The following COG3 variants were observed in gnomAD, a reference collection of about 807,000 sequenced individuals.
COG3 encodes the protein conserved oligomeric Golgi complex subunit 3.
In COG3, 32 loss-of-function variants were observed where a neutral mutation model predicts 114.1. The ratio of observed to expected loss-of-function variants is 0.28; its 90% CI spans 0.21 to 0.38. COG3 has a LOEUF of 0.38. Ranked by LOEUF, COG3 falls within the 10% of genes least tolerant of loss-of-function variation. The pLI, the probability that COG3 is intolerant of heterozygous loss-of-function variation, is 1.00. For missense variants in COG3, 813 were observed against 973.2 expected, an observed-to-expected ratio of 0.84 and a Z score of 2.19; for synonymous variants, 352 against 365.7, an observed-to-expected ratio of 0.96 and a Z score of 0.43.
intron 19 of COG3, among the ~76,000 whole-genome samples, chr13:45,520,582 T>TA (rs1354122676): frequency 6.6e-6 from 1 of 152,182 alleles, no homozygotes; most frequent in African/African-American, 2.4e-5. Context: ...ATACGAGTTT[T>TA]AAAAAATAAT....
chr13:45,511,266 G>T (rs574864504), intron 15 of COG3, among the ~76,000 whole-genome samples: 1 of 151,548 alleles, frequency 6.6e-6, no homozygotes, highest in East Asian at 1.9e-4. Flanking sequence ...TTATTTGTCA[G>T]TCCCCTGTCT....
At position 45,536,519 on chromosome 13, in the gene COG3, A is replaced by ATAT. The variant is rs1427218531; in HGVS notation, c.*1788_*1789insTAT. 2 of 152,244 alleles carry ATAT rather than the reference A, an allele frequency of 1.3e-5. No homozygotes were observed. Among genetic ancestry groups the ATAT allele is most frequent in the Non-Finnish European group, 2.9e-5 (2 of 68,044 alleles). 9.4% of individuals were successfully genotyped at this position (152,244 alleles called of 1,614,324 possible). ...CAGTTTTAAGTGTTCACTTATACAA[A>ATAT]GAGTGTATATACTTTCAAATAATTT... On this transcript the variant is annotated 3_prime_UTR_variant, in exon 23 of 23. Transcript: ENST00000349995.
At position 45,530,907 on chromosome 13, in the gene COG3, A is replaced by G. The variant is rs968525457; in HGVS notation, c.2457+127A>G. On this transcript the variant is annotated intron_variant, in intron 22 of 22. Transcript: ENST00000349995. ...AAAAATATTACCTTCTTTTATTCTG[A>G]TGAGTAAGAATTCAGCCTTTGAATT... The G allele has an allele frequency of 6.8e-6, 9 of 1,328,206 alleles. No homozygotes were observed. In the African/African-American group the frequency reaches 1.3e-4, roughly 20 times the overall value. The allele number at this position is 1,328,206 out of a possible 1,614,324, so 82.3% of individuals were successfully genotyped here.
chr13:45,528,859 A>G (rs1170829831), intron 20 of COG3, among the ~76,000 whole-genome samples: 1 of 152,220 alleles, frequency 6.6e-6, no homozygotes, highest in African/African-American at 2.4e-5. Flanking sequence ...ACATGTCTGT[A>G]TACTCATATC....
chr13:45,490,884 GT>G, intron 8 of COG3, 30 bp from the exon 9 acceptor site: 1 of 1,435,202 alleles, frequency 7.0e-7, no homozygotes, highest in Non-Finnish European at 9.7e-7. Flanking sequence ...AACAGAGATG[GT>G]TTTTTGATGC....
intron 14 of COG3, among the ~76,000 whole-genome samples, chr13:45,508,067 C>CAAAAAA (rs1870379302): frequency 5.2e-5 from 1 of 19,332 alleles, no homozygotes; most frequent in Non-Finnish European, 8.4e-5. Flanking sequence ...TAGGTCCAAC[C>CAAAAAA]TAAAAAAAAA....
chr13:45,507,687 C>T (rs2137873069), intron 14 of COG3, among the ~76,000 whole-genome samples: 1 of 151,562 alleles, frequency 6.6e-6, no homozygotes, highest in East Asian at 1.9e-4. Flanking sequence ...ATTGCTTGAC[C>T]CCAATAGGCG....
intron 1 of COG3, among the ~76,000 whole-genome samples, chr13:45,469,090 A>G (rs998945680): frequency 1.3e-5 from 2 of 152,238 alleles, no homozygotes; most frequent in African/African-American, 2.4e-5. Flanking sequence ...GTTTGAGAGA[A>G]GATGGTTTTG....
rs1427855327 is a variant in COG3, at chr13:45,464,956, G to T, written c.-81G>T. ...CCGCCGGTGCAGTGTTGGAAGCTCCGGTTCTCCCGGAAGTGGCCCAGGTCT... is the reference window on the plus strand; with the variant it reads ...CCGCCGGTGCAGTGTTGGAAGCTCCTGTTCTCCCGGAAGTGGCCCAGGTCT... On this transcript the variant is annotated 5_prime_UTR_variant, in exon 1 of 23. Transcript: ENST00000349995. 6.8e-7 allele frequency: 1 copy of T among 1,479,300 alleles called. No homozygotes were observed. Among genetic ancestry groups the T allele is most frequent in the Non-Finnish European group, 8.9e-7 (1 of 1,120,840 alleles). 91.6% of individuals were successfully genotyped at this position (1,479,300 alleles called of 1,614,324 possible). A position where few individuals can be genotyped will look rare whatever the true frequency, so the allele number is the denominator to read the frequency against.
intron 2 of COG3, among the ~76,000 whole-genome samples, chr13:45,476,710 T>C (rs1211385759): frequency 1.4e-5 from 1 of 71,096 alleles, no homozygotes; most frequent in Non-Finnish European, 4.2e-5. Context: ...TAGTCCTTTT[T>C]TAAAAAACCC....
intron 22 of COG3, among the ~76,000 whole-genome samples, chr13:45,534,076 A>G (rs1873389633): frequency 6.6e-6 from 1 of 152,220 alleles, no homozygotes; most frequent in South Asian, 2.1e-4. Flanking sequence ...CTGGTGTCCC[A>G]GTCCTCCGTT....
chr13:45,535,011 A>T lies in COG3; in HGVS notation c.*280A>T. The stretch of plus-strand genomic sequence containing the variant: ...ATGTGAAGAGAGAGCTAGGGCAGAC[A>T]TGCAGTGAAATGGTTCTTTGTTAAA... On this transcript the variant is annotated 3_prime_UTR_variant, in exon 23 of 23. Transcript: ENST00000349995. 8.4e-7 allele frequency: 1 copy of T among 1,187,470 alleles called. No homozygotes were observed. The highest frequency in any genetic ancestry group is 1.0e-6 in the Non-Finnish European group (1 of 960,998). The allele number at this position is 1,187,470 out of a possible 1,614,324, so 73.6% of individuals were successfully genotyped here. A position where few individuals can be genotyped will look rare whatever the true frequency, so the allele number is the denominator to read the frequency against.
At chr13:45,495,592 C>T (rs1373872045) in intron 12 of COG3, among the ~76,000 whole-genome samples, 1 of 151,892 alleles carries the variant, frequency 6.6e-6, no homozygotes, top group Non-Finnish European at 1.5e-5. Context: ...CTCAGGTTGG[C>T]TGATCTTGAA....
chr13:45,473,179 T>G (rs1398251975), intron 1 of COG3, among the ~76,000 whole-genome samples: 1 of 152,152 alleles, frequency 6.6e-6, no homozygotes, highest in East Asian at 1.9e-4. Context: ...TGTTTCCTCT[T>G]GTAATGTTTG....
intron 19 of COG3, among the ~76,000 whole-genome samples, chr13:45,519,626 C>T (rs568945356): frequency 5.2e-4 from 79 of 152,292 alleles, no homozygotes; most frequent in African/African-American, 1.5e-3. Context: ...TGGTCTCTTC[C>T]TGGAAACTGT....
intron 20 of COG3, among the ~76,000 whole-genome samples, chr13:45,527,948 G>A (rs762354379): frequency 6.6e-6 from 1 of 152,132 alleles, no homozygotes; most frequent in Non-Finnish European, 1.5e-5. Flanking sequence ...TAGGAAAAAT[G>A]GGGATGGGAT....
At chr13:45,530,880 T>TA in intron 22 of COG3, 100 bp downstream of exon 22, 1 of 1,363,838 alleles carries the variant, frequency 7.3e-7, no homozygotes, top group East Asian at 2.6e-5. Context: ...AGTATTAATT[T>TA]AAAAAATATT....
chr13:45,466,067 T>C (rs1885118229), intron 1 of COG3, among the ~76,000 whole-genome samples: 1 of 152,158 alleles, frequency 6.6e-6, no homozygotes, highest in Non-Finnish European at 1.5e-5. Flanking sequence ...TTCTTTTCTC[T>C]CGCTCTGTCG....
Position 45,465,233 on chromosome 13 carries a change from G to A in COG3, c.174+23G>A, listed in dbSNP as rs559024391. 14 of 1,610,622 alleles carry A rather than the reference G, an allele frequency of 8.7e-6. No homozygotes were observed. In the South Asian group the frequency reaches 1.3e-4, roughly 15 times the overall value. On this transcript the variant is annotated intron_variant, in intron 1 of 22. Transcript: ENST00000349995. The stretch of plus-strand genomic sequence containing the variant: ...GAGGTGAGGTGATGGGCAGGAACCG[G>A]GCCGGGGCGATGGGGCTGGGATTCT...
Sources: allele counts gnomAD v4.1 joint callset (sites outside exome capture counted in the v4.1 genomes callset), GRCh38; gene constraint gnomAD v4.1.1; transcripts MANE v1.5; gene names NCBI Gene and HGNC (gene_info 2026-07-23, HGNC 2026-07-21).